EHMT1: variants seen among roughly 807,000 people sequenced by gnomAD.
The protein encoded by EHMT1 is euchromatic histone lysine methyltransferase 1.
In EHMT1, 15 loss-of-function variants were observed where a neutral mutation model predicts 147.2. The observed-to-expected ratio is 0.10, with a 90% CI of 0.07 to 0.16. The LOEUF is 0.16. EHMT1 is among the 10% of genes least tolerant of loss of function. EHMT1 has a pLI of 1.00. For synonymous variants in EHMT1, 795 were observed against 709.6 expected (o/e 1.12, Z -1.91); for missense variants, 1,587 against 1,772.4 (o/e 0.90, Z 1.88).
chr9:137,635,681 G>A (rs770233432), intron 1 of EHMT1, among the ~76,000 whole-genome samples: 20 of 151,062 alleles, frequency 1.3e-4, no homozygotes, highest in African/African-American at 4.1e-4. Flanking sequence ...TTAGTGGGAC[G>A]TGGTGGCGGG....
At chr9:137,823,792 A>C (rs1269006739) in intron 25 of EHMT1, among the ~76,000 whole-genome samples, 1 of 151,430 alleles carries the variant, frequency 6.6e-6, no homozygotes, top group East Asian at 2.0e-4. Flanking sequence ...TCCTGACTGC[A>C]GGTGACCCAC....
At chr9:137,669,322 C>A (rs1203473194) in intron 1 of EHMT1, among the ~76,000 whole-genome samples, 1 of 144,092 alleles carries the variant, frequency 6.9e-6, no homozygotes, top group Non-Finnish European at 1.5e-5. Context: ...TGGAAAGACG[C>A]CCCCACAGCA....
Position 137,619,066 on chromosome 9 carries a change from G to C in EHMT1, c.21+17G>C, listed in dbSNP as rs1286312746. The C allele has an allele frequency of 1.1e-6, 1 of 880,458 alleles. No homozygotes were observed. Among genetic ancestry groups the C allele is most frequent in the Non-Finnish European group, 1.4e-6 (1 of 736,586 alleles). 54.5% of individuals were successfully genotyped at this position (880,458 alleles called of 1,614,324 possible). On this transcript the variant is annotated intron_variant, in intron 1 of 26. Transcript: ENST00000460843. The stretch of plus-strand genomic sequence containing the variant: ...GATGCCGAGGTGAGCAGCGGGGCCG[G>C]CGGGGGGCGGCGCGGGGGCGGCGGG...
intron 4 of EHMT1, 97 bp from the exon 5 acceptor site, chr9:137,743,274 G>T (rs771302478): frequency 4.1e-6 from 6 of 1,479,682 alleles, no homozygotes; most frequent in Non-Finnish European, 5.4e-6. Context: ...TGATTTTGGT[G>T]ATCAAGTTTT....
intron 1 of EHMT1, among the ~76,000 whole-genome samples, chr9:137,694,023 C>T (rs1943167272): frequency 1.7e-5 from 2 of 120,298 alleles, no homozygotes; most frequent in African/African-American, 6.7e-5. Flanking sequence ...ACCCACCAGG[C>T]GATGGTGCTG....
At chr9:137,783,473 T>A (rs1951720507) in intron 15 of EHMT1, among the ~76,000 whole-genome samples, 1 of 152,254 alleles carries the variant, frequency 6.6e-6, no homozygotes, top group African/African-American at 2.4e-5. Context: ...ATTTCTCTGA[T>A]GGTATTATGG....
At chr9:137,801,067 A>T (rs546770951) in intron 18 of EHMT1, 83 bp downstream of exon 18, 59 of 1,287,340 alleles carry the variant, frequency 4.6e-5, no homozygotes, top group Middle Eastern at 3.7e-4. Context: ...TCTCAAAAGC[A>T]GAACCCTGGC....
chr9:137,806,755 G>A (rs952448058), intron 18 of EHMT1, among the ~76,000 whole-genome samples: 1 of 152,168 alleles, frequency 6.6e-6, no homozygotes, highest in African/African-American at 2.4e-5. Flanking sequence ...TTTAATGCCT[G>A]GAAAGTCCTT....
intron 1 of EHMT1, chr9:137,697,063 T>C: frequency 3.0e-6 from 1 of 329,082 alleles, no homozygotes; most frequent in Admixed American, 3.2e-5. Context: ...GGCGGATCGC[T>C]TGAGGTCAGG....
intron 1 of EHMT1, among the ~76,000 whole-genome samples, chr9:137,634,426 C>T (rs1000930230): frequency 8.5e-5 from 13 of 152,172 alleles, no homozygotes; most frequent in African/African-American, 2.4e-4. Context: ...GCCTGGCCAT[C>T]GTTTTTGAAA....
At chr9:137,791,764 C>G (rs1229080005) in intron 16 of EHMT1, among the ~76,000 whole-genome samples, 1 of 152,130 alleles carries the variant, frequency 6.6e-6, no homozygotes, top group Non-Finnish European at 1.5e-5. Flanking sequence ...GACAGTCTTG[C>G]TCTGTCACCC....
intron 1 of EHMT1, among the ~76,000 whole-genome samples, chr9:137,656,784 A>C (rs1938497769): frequency 6.6e-6 from 1 of 151,826 alleles, no homozygotes; most frequent in African/African-American, 2.4e-5. Flanking sequence ...CTATTCCCCC[A>C]GGCTGGAGTG....
At chr9:137,674,697 C>T (rs532143160) in intron 1 of EHMT1, among the ~76,000 whole-genome samples, 16 of 152,270 alleles carry the variant, frequency 1.1e-4, no homozygotes, top group African/African-American at 3.4e-4. Context: ...GCTAGGTGCC[C>T]GGGTTGCAAA....
At chr9:137,626,088 A>G (rs1339706358) in intron 1 of EHMT1, among the ~76,000 whole-genome samples, 1 of 146,466 alleles carries the variant, frequency 6.8e-6, no homozygotes, top group Non-Finnish European at 1.5e-5. Flanking sequence ...GCTGGTCTCA[A>G]ACTCCTGACC....
At chr9:137,724,271 GC>G (rs1352474734) in intron 3 of EHMT1, among the ~76,000 whole-genome samples, 1 of 148,404 alleles carries the variant, frequency 6.7e-6, no homozygotes, top group Non-Finnish European at 1.5e-5. Context: ...ACAGCCCACC[GC>G]CCCACCCCCG....
chr9:137,812,680 C>T (rs1330226986), intron 19 of EHMT1, among the ~76,000 whole-genome samples: 1 of 152,250 alleles, frequency 6.6e-6, no homozygotes, highest in Non-Finnish European at 1.5e-5. Context: ...TCTCTCCCTC[C>T]TTGCTTCCCT....
intron 8 of EHMT1, among the ~76,000 whole-genome samples, chr9:137,757,206 G>T (rs1949442279): frequency 1.3e-5 from 2 of 152,260 alleles, no homozygotes. Context: ...GTCCTTGAGG[G>T]CAGGGAAGCC....
At chr9:137,684,493 G>GT (rs1398344753) in intron 1 of EHMT1, among the ~76,000 whole-genome samples, 1 of 151,756 alleles carries the variant, frequency 6.6e-6, no homozygotes, top group African/African-American at 2.4e-5. Flanking sequence ...TGTTGTTGTT[G>GT]TTTTTGATTT....
At chr9:137,768,802 G>A (rs1432238779) in intron 10 of EHMT1, among the ~76,000 whole-genome samples, 2 of 151,304 alleles carry the variant, frequency 1.3e-5, no homozygotes, top group African/African-American at 2.4e-5. Flanking sequence ...CGCCCGCCTC[G>A]GCCTCCCAAA....
Sources: allele counts gnomAD v4.1 joint callset (sites outside exome capture counted in the v4.1 genomes callset), GRCh38; gene constraint gnomAD v4.1.1; transcripts MANE v1.5; gene names NCBI Gene and HGNC (gene_info 2026-07-23, HGNC 2026-07-21).